The following ARHGEF37 variants were observed in gnomAD, a reference collection of about 807,000 sequenced individuals.
The protein encoded by ARHGEF37 is Rho guanine nucleotide exchange factor 37.
Under a neutral mutation model 71.1 loss-of-function variants are expected in ARHGEF37, and 55 were observed. The observed-to-expected ratio is 0.77, with a 90% CI of 0.62 to 0.97. The LOEUF (loss-of-function observed/expected upper bound fraction) is 0.97, where lower values mean the gene tolerates loss of function less well. Among genes scored for constraint, ARHGEF37 ranks in the 50% least tolerant of loss-of-function variants. The pLI, the probability that ARHGEF37 is intolerant of heterozygous loss-of-function variation, is 0.00. For missense variants in ARHGEF37, 765 were observed against 836.8 expected (o/e 0.91, Z 1.06); for synonymous variants, 327 against 350.6 (o/e 0.93, Z 0.75).
chr5:149,570,999 G>A (rs113133780), intron 1 of ARHGEF37, among the ~76,000 whole-genome samples: 8,784 of 152,142 alleles, frequency 0.058, 668 homozygotes, highest in East Asian at 0.41. Context: ...CTGGAGTGCA[G>A]TAGCACAATC....
chr5:149,625,934 C>T (rs184296159), intron 10 of ARHGEF37, among the ~76,000 whole-genome samples: 67 of 152,272 alleles, frequency 4.4e-4, no homozygotes, highest in African/African-American at 1.5e-3. Flanking sequence ...TAGGGAGGGC[C>T]GGTCAGCCTT....
At chr5:149,581,840 C>CT (rs2113263099) in intron 1 of ARHGEF37, among the ~76,000 whole-genome samples, 1 of 152,288 alleles carries the variant, frequency 6.6e-6, no homozygotes, top group East Asian at 1.9e-4. Context: ...AGTCGTTTTA[C>CT]AGGTGGGAAA....
intron 1 of ARHGEF37, among the ~76,000 whole-genome samples, chr5:149,584,662 T>G (rs1198941098): frequency 6.6e-6 from 1 of 152,060 alleles, no homozygotes; most frequent in African/African-American, 2.4e-5. Context: ...CAGGCTGGAG[T>G]GCAATGGCAT....
intron 1 of ARHGEF37, among the ~76,000 whole-genome samples, chr5:149,596,399 G>T (rs78826121): frequency 1.3e-5 from 2 of 152,160 alleles, no homozygotes; most frequent in African/African-American, 4.8e-5. Flanking sequence ...CCACCTCCTG[G>T]GTTCAAGTGA....
At position 149,588,055 on chromosome 5, in the gene ARHGEF37, C is replaced by G. The variant is rs368625918; in HGVS notation, c.-12+6431C>G. ...GGGATTACAGGCGTGTGCCACCACT[C>G]CTGGTTAATTTTTTTGTATTGTTAG... On this transcript the variant is annotated intron_variant, in intron 1 of 12. Coordinates refer to ENST00000333677, the MANE Select transcript of ARHGEF37 (RefSeq NM_001001669.3). 1.1e-4 allele frequency among the ~76,000 whole-genome samples: 16 copies of G among 152,010 alleles called. No individual in the cohort carries two copies. In the East Asian group the frequency reaches 2.3e-3, roughly 22 times the overall value.
intron 1 of ARHGEF37, among the ~76,000 whole-genome samples, chr5:149,587,256 A>G (rs554293343): frequency 6.6e-6 from 1 of 152,256 alleles, no homozygotes; most frequent in Non-Finnish European, 1.5e-5. Context: ...TCTTCTTATT[A>G]CTATGATTAG....
At chr5:149,605,915 C>T (rs925636137) in intron 3 of ARHGEF37, among the ~76,000 whole-genome samples, 2 of 152,150 alleles carry the variant, frequency 1.3e-5, no homozygotes, top group African/African-American at 4.8e-5. Context: ...CTAATCCCAG[C>T]TAGAGATGAG....
rs778823889 is a variant in ARHGEF37 at position 149,621,739 on chromosome 5, C to A, written c.1012C>A (p.Arg338=). 1 of 1,609,236 alleles carries A rather than the reference C, an allele frequency of 6.2e-7. No homozygotes were observed. Among genetic ancestry groups the A allele is most frequent in the South Asian group, 1.1e-5 (1 of 90,662 alleles). Residue 338 remains arginine, a synonymous_variant, in exon 9 of 13, where the codon CGG becomes AGG. Coordinates refer to ENST00000333677, the MANE Select transcript of ARHGEF37 (RefSeq NM_001001669.3). ...CGCTCATGTCTCCCCACAGAAGCAA[C>A]GGCTAGAAGGCCTGGTGTGGCAGCC... The part of the protein sequence containing the change: ...HLEAFLKFKQ[R]LEGLVWQPLC...
At chr5:149,627,348 CT>C in intron 11 of ARHGEF37, 77 bp downstream of exon 11, 5 of 1,501,548 alleles carry the variant, frequency 3.3e-6, no homozygotes, top group Admixed American at 1.9e-5. Flanking sequence ...GACCCGGGCA[CT>C]CTTGTGGGTC....
At chr5:149,585,827 T>TATGTG (rs1763220246) in intron 1 of ARHGEF37, among the ~76,000 whole-genome samples, 1 of 152,224 alleles carries the variant, frequency 6.6e-6, no homozygotes, top group Non-Finnish European at 1.5e-5. Flanking sequence ...CCTGTATTTT[T>TATGTG]CATTTTACAT....
At chr5:149,593,143 A>G (rs1486475768) in intron 1 of ARHGEF37, among the ~76,000 whole-genome samples, 1 of 152,208 alleles carries the variant, frequency 6.6e-6, no homozygotes, top group African/African-American at 2.4e-5. Context: ...ATATTCTATA[A>G]TATTTTTTTG....
At chr5:149,570,635 T>C (rs554304198) in intron 1 of ARHGEF37, among the ~76,000 whole-genome samples, 1 of 151,514 alleles carries the variant, frequency 6.6e-6, no homozygotes, top group Non-Finnish European at 1.5e-5. Context: ...CCCAATACTT[T>C]GGGAGGCAGA....
At chr5:149,587,706 G>A (rs374024804) in intron 1 of ARHGEF37, among the ~76,000 whole-genome samples, 8 of 152,172 alleles carry the variant, frequency 5.3e-5, no homozygotes, top group African/African-American at 1.9e-4. Context: ...GTGATAGTAG[G>A]GATGGGACTT....
intron 3 of ARHGEF37, among the ~76,000 whole-genome samples, chr5:149,604,507 T>C (rs766273391): frequency 8.6e-5 from 13 of 152,040 alleles, no homozygotes; most frequent in Non-Finnish European, 1.3e-4. Context: ...TTGTCTCTTG[T>C]GGTTGCCAAA....
At chr5:149,620,975 A>G (rs780255902) in intron 8 of ARHGEF37, among the ~76,000 whole-genome samples, 34 of 152,228 alleles carry the variant, frequency 2.2e-4, no homozygotes, top group Admixed American at 6.5e-5. Context: ...GCCAGGCTCT[A>G]TGCTAAGCCC....
chr5:149,568,950 T>C (rs1762931098), intron 1 of ARHGEF37, among the ~76,000 whole-genome samples: 1 of 152,146 alleles, frequency 6.6e-6, no homozygotes. Flanking sequence ...TTGTTTTCCC[T>C]ATTCTAAAAA....
Position 149,624,138 on chromosome 5 carries a change from C to G in ARHGEF37, c.1462C>G (p.Gln488Glu), listed in dbSNP as rs1381803353. 6.2e-7 allele frequency: 1 copy of G among 1,607,462 alleles called. No homozygotes were observed. The stretch of plus-strand genomic sequence containing the variant: ...GAAAGTGCAGCCACCTCCCACCACA[C>G]AAGTAAGCATCCTTCCTCCACCCCA... ...FEKVQPPPTTQPLLPGSERQV... is the reference protein window; with the variant it reads ...FEKVQPPPTTEPLLPGSERQV... Residue 488 changes from glutamine (Q) to glutamate (E), a missense_variant and splice_region_variant, in exon 10 of 13, where the codon CAA becomes GAA. Physicochemically the swap from Gln to Glu is conservative, Grantham distance 29. Coordinates refer to ENST00000333677, the MANE Select transcript of ARHGEF37 (RefSeq NM_001001669.3).
chr5:149,592,923 C>T (rs1365217424), intron 1 of ARHGEF37, among the ~76,000 whole-genome samples: 1 of 152,148 alleles, frequency 6.6e-6, no homozygotes, highest in African/African-American at 2.4e-5. Context: ...GTGCCCACCA[C>T]CACACCCAGC....
At position 149,566,806 on chromosome 5, in the gene ARHGEF37, T is replaced by C. The variant is rs191336311; in HGVS notation, c.-12+14683T>C. 3.1e-3 allele frequency among the ~76,000 whole-genome samples: 472 copies of C among 152,282 alleles called. 3 individuals carry two copies. The highest frequency in any genetic ancestry group is 0.011 in the African/African-American group (464 of 41,566). Reference sequence around the variant, plus strand: ...AACCGTTATCTCACTGAGAACTACATGTCATTCTACTCCCCACTTTCAATT... The same window carrying C: ...AACCGTTATCTCACTGAGAACTACACGTCATTCTACTCCCCACTTTCAATT... On this transcript the variant is annotated intron_variant, in intron 1 of 2. Coordinates refer to the ARHGEF37 transcript ENST00000505810.
Sources: allele counts gnomAD v4.1 joint callset (sites outside exome capture counted in the v4.1 genomes callset), GRCh38; gene constraint gnomAD v4.1.1; transcripts MANE v1.5; gene names NCBI Gene and HGNC (gene_info 2026-07-23, HGNC 2026-07-21).